CTNNA3: variants seen among roughly 807,000 people sequenced by gnomAD.
The protein encoded by CTNNA3 is catenin alpha 3.
Under a neutral mutation model 95.7 loss-of-function variants are expected in CTNNA3, and 76 were observed. The ratio of observed to expected loss-of-function variants is 0.79; its 90% CI spans 0.66 to 0.96. CTNNA3 has a LOEUF of 0.96. Among genes scored for constraint, CTNNA3 ranks in the 40% least tolerant of loss-of-function variants. The pLI, the probability that CTNNA3 is intolerant of heterozygous loss-of-function variation, is 0.00. For missense variants in CTNNA3, 1,191 were observed against 1,089.8 expected, an observed-to-expected ratio of 1.09 and a Z score of -1.31; for synonymous variants, 431 against 374.4, an observed-to-expected ratio of 1.15 and a Z score of -1.74.
intron 5 of CTNNA3, among the ~76,000 whole-genome samples, chr10:67,350,703 C>T (rs1438744715): frequency 6.6e-6 from 1 of 151,570 alleles, no homozygotes; most frequent in Non-Finnish European, 1.5e-5. Context: ...ATGCCAGATG[C>T]TGGTGAGGAT....
At chr10:66,042,971 C>T (rs1262783810) in intron 15 of CTNNA3, among the ~76,000 whole-genome samples, 12 of 128,708 alleles carry the variant, frequency 9.3e-5, no homozygotes, top group Non-Finnish European at 1.6e-5. Flanking sequence ...GAGAACAGGA[C>T]TATTAGAGAA....
intron 15 of CTNNA3, among the ~76,000 whole-genome samples, chr10:66,019,454 TG>T (rs1190818212): frequency 1.3e-5 from 2 of 152,082 alleles, no homozygotes; most frequent in African/African-American, 4.8e-5. Context: ...CCCCCAAAAG[TG>T]GGGGATCCCA....
intron 14 of CTNNA3, among the ~76,000 whole-genome samples, chr10:66,091,069 T>C (rs1447765197): frequency 6.6e-6 from 1 of 151,908 alleles, no homozygotes; most frequent in Non-Finnish European, 1.5e-5. Context: ...TGTAAGTATA[T>C]TTTTGTTAAC....
intron 7 of CTNNA3, among the ~76,000 whole-genome samples, chr10:66,906,324 T>C (rs994049008): frequency 2.0e-5 from 3 of 152,164 alleles, no homozygotes; most frequent in Non-Finnish European, 4.4e-5. Context: ...ATCAAAACTC[T>C]ATGCCTAGAA....
intron 9 of CTNNA3, among the ~76,000 whole-genome samples, chr10:66,708,989 C>A (rs749361269): frequency 9.9e-5 from 15 of 152,020 alleles, no homozygotes; most frequent in Admixed American, 5.2e-4. Context: ...TACTTATCAC[C>A]TCACCAAGTG....
chr10:66,587,160 T>C (rs1405362979), intron 10 of CTNNA3, among the ~76,000 whole-genome samples: 1 of 152,156 alleles, frequency 6.6e-6, no homozygotes, highest in Non-Finnish European at 1.5e-5. Context: ...ATGCCAGCTG[T>C]AGTAGTAGTG....
At chr10:66,697,060 T>TA (rs1847792123) in intron 9 of CTNNA3, among the ~76,000 whole-genome samples, 1 of 152,110 alleles carries the variant, frequency 6.6e-6, no homozygotes, top group South Asian at 2.1e-4. Flanking sequence ...GGTGGAATTG[T>TA]TAGGAAGCAA....
At chr10:66,338,763 T>A (rs1247691958) in intron 12 of CTNNA3, among the ~76,000 whole-genome samples, 2 of 151,890 alleles carry the variant, frequency 1.3e-5, no homozygotes, top group Non-Finnish European at 2.9e-5. Flanking sequence ...ACAGTCTTTG[T>A]CCAAAGCAAT....
intron 7 of CTNNA3, among the ~76,000 whole-genome samples, chr10:66,806,259 GTT>G (rs1491378225): frequency 2.0e-5 from 2 of 98,238 alleles, no homozygotes; most frequent in African/African-American, 3.4e-5. Context: ...AGATATTGGT[GTT>G]TGTGTGTGTG....
rs771743672 is a variant in CTNNA3 at position 66,069,412 on chromosome 10, A to C, written c.2055T>G (p.Ser685Arg). The C allele has an allele frequency of 6.2e-7, 1 of 1,613,474 alleles. No individual in the cohort carries two copies. The highest frequency in any genetic ancestry group is 8.5e-7 in the Non-Finnish European group (1 of 1,179,686). ...ATATCTCAATCTCAGCATCCAGCTTACTCTTTACTTTCTTGAAATCAGCAA... is the reference window on the plus strand; with the variant it reads ...ATATCTCAATCTCAGCATCCAGCTTCCTCTTTACTTTCTTGAAATCAGCAA... ...EQVADFKKVK[S>R]KLDAEIEIWD... is the part of the protein sequence containing the mutation. The change falls in exon 15 of 18, where the codon AGT (serine) becomes AGG (arginine). Residue 685 changes from serine to arginine, a missense_variant. Physicochemically the swap from Ser to Arg is moderately radical, Grantham distance 110. Coordinates refer to ENST00000433211, the MANE Select transcript of CTNNA3 (RefSeq NM_013266.4).
At chr10:67,650,529 C>T (rs1027193493) in intron 1 of CTNNA3, among the ~76,000 whole-genome samples, 2 of 152,146 alleles carry the variant, frequency 1.3e-5, no homozygotes, top group Non-Finnish European at 2.9e-5. Flanking sequence ...CCCTTCTCCC[C>T]AAACTATCTT....
intron 15 of CTNNA3, among the ~76,000 whole-genome samples, chr10:66,048,510 C>T (rs1048878465): frequency 6.6e-6 from 1 of 152,118 alleles, no homozygotes. Context: ...CCTATAATCC[C>T]AGCACTTTGG....
chr10:66,808,489 G>A (rs1841745324), intron 7 of CTNNA3, among the ~76,000 whole-genome samples: 1 of 151,954 alleles, frequency 6.6e-6, no homozygotes, highest in Non-Finnish European at 1.5e-5. Context: ...TGTACCTTCG[G>A]GAGTGGTTTG....
At position 66,203,996 on chromosome 10, in the gene CTNNA3, A is replaced by G. The variant is rs1233957207; in HGVS notation, c.1884+76474T>C. ...CTAAAAACCACAAATTCTAGGCCCA[A>G]ATTTGGAGGTAGGACTATGATCAAT... On this transcript the variant is annotated intron_variant, in intron 13 of 17. Transcript: ENST00000433211. Among the ~76,000 whole-genome samples, 5 of 152,066 alleles carry G rather than the reference A, an allele frequency of 3.3e-5. No individual in the cohort carries two copies. The East Asian group carries it at 9.6e-4, about 29-fold the overall frequency.
At chr10:66,514,120 A>C (rs1394570931) in intron 11 of CTNNA3, among the ~76,000 whole-genome samples, 1 of 152,194 alleles carries the variant, frequency 6.6e-6, no homozygotes, top group Non-Finnish European at 1.5e-5. Flanking sequence ...TTAATGCTGA[A>C]AGTTATTTTT....
intron 9 of CTNNA3, among the ~76,000 whole-genome samples, chr10:66,669,440 G>C (rs919594769): frequency 1.3e-5 from 2 of 152,072 alleles, no homozygotes; most frequent in Non-Finnish European, 2.9e-5. Flanking sequence ...CTACTCTGGA[G>C]GCTGAGGCAC....
At chr10:66,211,999 T>C (rs1424148682) in intron 13 of CTNNA3, among the ~76,000 whole-genome samples, 1 of 145,654 alleles carries the variant, frequency 6.9e-6, no homozygotes, top group Non-Finnish European at 1.5e-5. Flanking sequence ...TTTTTTTTTT[T>C]TTTTTTTTGA....
chr10:67,247,764 C>T (rs1865956685), intron 5 of CTNNA3, among the ~76,000 whole-genome samples: 1 of 152,146 alleles, frequency 6.6e-6, no homozygotes. Flanking sequence ...GATCATTACA[C>T]ATTATATGCT....
chr10:65,956,162 T>C (rs2077725646), intron 17 of CTNNA3, among the ~76,000 whole-genome samples: 1 of 152,204 alleles, frequency 6.6e-6, no homozygotes, highest in South Asian at 2.1e-4. Flanking sequence ...CTAGATTGTC[T>C]AGTTTATTTG....
Sources: gnomAD v4.1 joint callset for allele counts (sites outside exome capture counted in the v4.1 genomes callset) on GRCh38, gnomAD v4.1.1 for gene constraint, MANE v1.5 for transcripts, NCBI Gene and HGNC (gene_info 2026-07-23, HGNC 2026-07-21) for gene names.